CLVS1: variants seen among roughly 807,000 people sequenced by gnomAD.
CLVS1 encodes the protein clavesin-1.
In CLVS1, 10 loss-of-function variants were observed where a neutral mutation model predicts 33.1. The observed-to-expected ratio is 0.30, with a 90% CI of 0.19 to 0.51. The LOEUF is 0.51. Among genes scored for constraint, CLVS1 ranks in the 20% least tolerant of loss-of-function variants. CLVS1 has a pLI of 0.97. For missense variants in CLVS1, 343 were observed against 433.4 expected (o/e 0.79, Z 1.85); for synonymous variants, 163 against 166.1 (o/e 0.98, Z 0.14).
At chr8:61,164,433 A>G (rs1192707775) in intron 2 of CLVS1, among the ~76,000 whole-genome samples, 1 of 152,232 alleles carries the variant, frequency 6.6e-6, no homozygotes, top group Non-Finnish European at 1.5e-5. Flanking sequence ...AATACAGGCC[A>G]TTAGAAACTG....
chr8:61,232,035 T>TTG lies in CLVS1; in HGVS notation c.-151-67641_-151-67640insGT, dbSNP rs1443633449. On this transcript the variant is annotated intron_variant, in intron 2 of 2. Coordinates refer to the CLVS1 transcript ENST00000522621. ...GAGGAAAGTTGTGGTTTTTTTTTTTTTTTTTTTTTTTTTTTGTGAGATGGA... is the reference window on the plus strand; with the variant it reads ...GAGGAAAGTTGTGGTTTTTTTTTTTTTGTTTTTTTTTTTTTTTGTGAGATGGA... 3.1e-5 allele frequency among the ~76,000 whole-genome samples: 4 copies of TTG among 131,126 alleles called. No individual in the cohort carries two copies. The East Asian group carries it at 7.0e-4, about 23-fold the overall frequency. 86.0% of individuals were successfully genotyped at this position (131,126 alleles called of 152,430 possible).
intron 5 of CLVS1, among the ~76,000 whole-genome samples, chr8:61,466,847 C>T (rs763735121): frequency 2.3e-4 from 35 of 152,066 alleles, no homozygotes; most frequent in African/African-American, 8.5e-4. Flanking sequence ...TGGGGTTTCA[C>T]CATGCTGGCC....
chr8:61,226,726 T>C (rs1490235940), intron 2 of CLVS1, among the ~76,000 whole-genome samples: 1 of 152,196 alleles, frequency 6.6e-6, no homozygotes, highest in Non-Finnish European at 1.5e-5. Flanking sequence ...TGGCCTCAGC[T>C]TCTTAACACT....
chr8:60,983,854 A>G, the CLVS1 span, among the ~76,000 whole-genome samples: 1 of 152,170 alleles, frequency 6.6e-6, no homozygotes, highest in African/African-American at 2.4e-5. Flanking sequence ...CTTCCTCCTA[A>G]AGCCTGGTAG....
chr8:61,048,342 T>G, the CLVS1 span, among the ~76,000 whole-genome samples: 1 of 152,208 alleles, frequency 6.6e-6, no homozygotes, highest in African/African-American at 2.4e-5. Flanking sequence ...TCACTGACAG[T>G]GCTCTTGTAA....
intron 1 of CLVS1, among the ~76,000 whole-genome samples, chr8:61,059,746 G>C (rs1356299112): frequency 6.7e-6 from 1 of 149,534 alleles, no homozygotes; most frequent in East Asian, 2.0e-4. Context: ...GGGAGGCGGA[G>C]GTTGCAGTGA....
intron 1 of CLVS1, among the ~76,000 whole-genome samples, chr8:61,075,779 T>C (rs1804899085): frequency 6.6e-6 from 1 of 152,240 alleles, no homozygotes; most frequent in Non-Finnish European, 1.5e-5. Context: ...ACCACTGTGC[T>C]GCCTTTGCCT....
intron 1 of CLVS1, among the ~76,000 whole-genome samples, chr8:61,294,074 C>G (rs746840364): frequency 6.6e-6 from 1 of 152,002 alleles, no homozygotes; most frequent in African/African-American, 2.4e-5. Context: ...ATTTCCTCCC[C>G]AAATTTGGGC....
chr8:61,324,233 C>T (rs755683525), intron 2 of CLVS1, among the ~76,000 whole-genome samples: 1 of 151,978 alleles, frequency 6.6e-6, no homozygotes, highest in Non-Finnish European at 1.5e-5. Context: ...AGGGGAGGGA[C>T]CTGGTGGGAG....
chr8:61,069,125 C>T (rs1804740787), intron 1 of CLVS1, among the ~76,000 whole-genome samples: 1 of 152,120 alleles, frequency 6.6e-6, no homozygotes, highest in African/African-American at 2.4e-5. Context: ...CACCATCATG[C>T]TTGGCTAATT....
chr8:61,028,766 C>T, the CLVS1 span, among the ~76,000 whole-genome samples: 56 of 152,280 alleles, frequency 3.7e-4, no homozygotes, highest in East Asian at 2.7e-3. Flanking sequence ...CACTAGGACT[C>T]GGTGAACAAA....
chr8:61,221,612 C>G (rs907030453), intron 2 of CLVS1, among the ~76,000 whole-genome samples: 1 of 152,098 alleles, frequency 6.6e-6, no homozygotes, highest in African/African-American at 2.4e-5. Context: ...ATTTTTGCAT[C>G]GACATTCATC....
At chr8:61,417,814 G>A (rs7819370) in intron 3 of CLVS1, among the ~76,000 whole-genome samples, 1,600 of 152,242 alleles carry the variant, frequency 0.011, 32 homozygotes, top group African/African-American at 0.037. Context: ...GAGCTCTCAG[G>A]GGATCTGGAT....
In CLVS1 at chr8:61,196,355, G is replaced by A. The variant is rs1807607536; in HGVS notation, c.-152+64495G>A. ...AAAAGAGATGTTTGAAAGCTTCTTGGTACTGTACCTAACTTACAATAAAAT... is the reference window on the plus strand; with the variant it reads ...AAAAGAGATGTTTGAAAGCTTCTTGATACTGTACCTAACTTACAATAAAAT... On this transcript the variant is annotated intron_variant, in intron 2 of 2. Transcript: ENST00000522621. Among the ~76,000 whole-genome samples the A allele has an allele frequency of 3.3e-5, 5 of 152,122 alleles. 1 individual carries two copies. In the South Asian group the frequency reaches 1.0e-3, roughly 31 times the overall value.
At chr8:61,240,464 C>T (rs1808675311) in intron 2 of CLVS1, among the ~76,000 whole-genome samples, 1 of 152,202 alleles carries the variant, frequency 6.6e-6, no homozygotes, top group African/African-American at 2.4e-5. Flanking sequence ...CTCTGTACAT[C>T]ACTTTGAGTC....
At chr8:61,309,884 TGAGGTTTGCC>T (rs1286617404) in intron 2 of CLVS1, among the ~76,000 whole-genome samples, 2 of 152,220 alleles carry the variant, frequency 1.3e-5, no homozygotes, top group Non-Finnish European at 2.9e-5. Context: ...GCCCACTGAT[TGAGGTTTGCC>T]TTTGGCTTTT....
chr8:61,273,302 C>G (rs1257306707), intron 2 of CLVS1, among the ~76,000 whole-genome samples: 1 of 152,186 alleles, frequency 6.6e-6, no homozygotes, highest in African/African-American at 2.4e-5. Flanking sequence ...TTAGGTTGCT[C>G]GGGGGTCAGG....
At chr8:61,303,772 A>G (rs747630770) in intron 2 of CLVS1, among the ~76,000 whole-genome samples, 5 of 152,222 alleles carry the variant, frequency 3.3e-5, no homozygotes, top group African/African-American at 4.8e-5. Context: ...AGTGATGTCT[A>G]TCTAACAGTA....
chr8:61,034,787 A>G, the CLVS1 span, among the ~76,000 whole-genome samples: 82 of 152,310 alleles, frequency 5.4e-4, no homozygotes, highest in Middle Eastern at 3.4e-3. Flanking sequence ...GAATGCCAAT[A>G]CAGTGTTTAC....
Sources: allele counts gnomAD v4.1 joint callset (sites outside exome capture counted in the v4.1 genomes callset), GRCh38; gene constraint gnomAD v4.1.1; transcripts MANE v1.5; gene names NCBI Gene and HGNC (gene_info 2026-07-23, HGNC 2026-07-21).